TTC3: variants seen among roughly 807,000 people sequenced by gnomAD.
TTC3 encodes the protein E3 ubiquitin-protein ligase TTC3.
A neutral mutation model predicts 249.6 loss-of-function variants in TTC3; 180 were observed. The observed-to-expected ratio is 0.72, with a 90% CI of 0.64 to 0.82. The LOEUF (loss-of-function observed/expected upper bound fraction) is 0.82, where lower values mean the gene tolerates loss of function less well. Among genes scored for constraint, TTC3 ranks in the 40% least tolerant of loss-of-function variants. The pLI is 0.00. For synonymous variants in TTC3, 717 were observed against 805.0 expected, an observed-to-expected ratio of 0.89 and a Z score of 1.85; for missense variants, 2,061 against 2,398.4, an observed-to-expected ratio of 0.86 and a Z score of 2.94.
intron 10 of TTC3, 160 bp downstream of exon 10, chr21:37,096,803 A>G (rs1486711934): frequency 1.8e-6 from 1 of 547,432 alleles, no homozygotes; most frequent in Non-Finnish European, 3.2e-6. Context: ...ATATATAATA[A>G]CAACAGTGAC....
intron 11 of TTC3, among the ~76,000 whole-genome samples, chr21:37,110,263 C>T (rs976489726): frequency 2.0e-5 from 3 of 152,054 alleles, no homozygotes; most frequent in Non-Finnish European, 4.4e-5. Context: ...CTACTCCGAG[C>T]TAAAGGAGGA....
At chr21:37,201,786 C>T (rs1354409368) in exon 46 of TTC3, 5 of 661,638 alleles carry the variant, frequency 7.6e-6, no homozygotes, top group East Asian at 6.1e-5. Context: ...AATAAAATGA[C>T]GGCTACCACA....
At chr21:37,177,348 C>T (rs1028062244) in intron 35 of TTC3, among the ~76,000 whole-genome samples, 3 of 152,244 alleles carry the variant, frequency 2.0e-5, no homozygotes, top group East Asian at 1.9e-4. Flanking sequence ...AGCCAGAGCC[C>T]GGGCTGGGGA....
intron 1 of TTC3, among the ~76,000 whole-genome samples, chr21:37,081,032 G>A (rs893512584): frequency 1.4e-5 from 2 of 143,576 alleles, no homozygotes; most frequent in African/African-American, 5.2e-5. Context: ...GTAGGTTGGT[G>A]TTTCTTTTCT....
At chr21:37,086,380 G>A (rs185422914) in intron 1 of TTC3, 1 of 152,054 alleles carries the variant, frequency 6.6e-6, no homozygotes, top group Non-Finnish European at 1.5e-5. Context: ...ATTTTTCAGT[G>A]ATGTTTGGCC....
chr21:37,082,571 A>G (rs745636907), intron 1 of TTC3: 28 of 985,224 alleles, frequency 2.8e-5, no homozygotes, highest in Non-Finnish European at 3.4e-5. Flanking sequence ...TCCTGATCCT[A>G]TTACTGCTCT....
At chr21:37,158,277 A>G in intron 28 of TTC3, 1 of 904,860 alleles carries the variant, frequency 1.1e-6, no homozygotes. Flanking sequence ...AGACAACTAA[A>G]AAGGACACAA....
chr21:37,157,617 A>G (rs2080233678), intron 28 of TTC3, among the ~76,000 whole-genome samples: 1 of 152,310 alleles, frequency 6.6e-6, no homozygotes, highest in South Asian at 2.1e-4. Flanking sequence ...GTGCAGGGGT[A>G]GAGTCTCAGA....
intron 7 of TTC3, 155 bp downstream of exon 7, chr21:37,091,568 A>ATTTATTTAT (rs2073272431): frequency 1.6e-5 from 3 of 190,098 alleles, no homozygotes; most frequent in African/African-American, 7.4e-5. Context: ...TCTTTTTTTT[A>ATTTATTTAT]TTATTTATTT....
chr21:37,193,401 A>G (rs933149529), intron 41 of TTC3, among the ~76,000 whole-genome samples: 1 of 151,762 alleles, frequency 6.6e-6, no homozygotes, highest in African/African-American at 2.4e-5. Context: ...AAGTGTGACC[A>G]CCCTGAACTG....
At chr21:37,150,428 A>G (rs903654881) in intron 24 of TTC3, among the ~76,000 whole-genome samples, 7 of 152,080 alleles carry the variant, frequency 4.6e-5, no homozygotes, top group Non-Finnish European at 1.0e-4. Flanking sequence ...TGTTTTTGAT[A>G]ACTTCATTTT....
At chr21:37,078,579 C>T (rs905401880) in intron 1 of TTC3, among the ~76,000 whole-genome samples, 1 of 148,526 alleles carries the variant, frequency 6.7e-6, no homozygotes, top group African/African-American at 2.5e-5. Flanking sequence ...TCTATCTTAA[C>T]TTATTTATTG....
At chr21:37,165,712 C>T (rs2081191198) in exon 33 of TTC3, 4 of 1,613,536 alleles carry the variant, frequency 2.5e-6, no homozygotes, top group African/African-American at 1.3e-5. Context: ...TTGTGATTGA[C>T]AACTGTATTG....
At chr21:37,189,549 CTTGT>C (rs10595332) in intron 39 of TTC3, among the ~76,000 whole-genome samples, 1,896 of 143,944 alleles carry the variant, frequency 0.013, 42 homozygotes, top group African/African-American at 0.045. Flanking sequence ...TGGCCTTGTT[CTTGT>C]TTGTTTGTTT....
exon 35 of TTC3, chr21:37,172,656 A>G (rs1300206366): frequency 1.2e-6 from 2 of 1,614,084 alleles, no homozygotes; most frequent in South Asian, 2.2e-5. Flanking sequence ...CAAGAAGTGT[A>G]TGAAAATTAT....
At chr21:37,110,328 G>A (rs2075539490) in intron 11 of TTC3, among the ~76,000 whole-genome samples, 1 of 152,102 alleles carries the variant, frequency 6.6e-6, no homozygotes, top group Non-Finnish European at 1.5e-5. Flanking sequence ...TAGATGAATG[G>A]ATAACTAGAA....
chr21:37,077,784 T>TACA (rs2071103237), intron 1 of TTC3, among the ~76,000 whole-genome samples: 1 of 152,234 alleles, frequency 6.6e-6, no homozygotes, highest in Non-Finnish European at 1.5e-5. Flanking sequence ...GAGTTGTCTT[T>TACA]TAAAACTGGT....
intron 44 of TTC3, 140 bp downstream of exon 44, chr21:37,198,165 A>G: frequency 1.8e-6 from 2 of 1,110,860 alleles, no homozygotes; most frequent in Non-Finnish European, 2.5e-6. Flanking sequence ...ATGTACTTGA[A>G]TGTGTCCAGT....
chr21:37,138,572 G>T, intron 18 of TTC3, 62 bp from the exon 19 acceptor site: 1 of 1,115,962 alleles, frequency 9.0e-7, no homozygotes, highest in Non-Finnish European at 1.4e-6. Flanking sequence ...TTTCTGTTGT[G>T]ACTGGATGCA....
Sources: gnomAD v4.1 joint callset for allele counts (sites outside exome capture counted in the v4.1 genomes callset) on GRCh38, gnomAD v4.1.1 for gene constraint, MANE v1.5 for transcripts, NCBI Gene and HGNC (gene_info 2026-07-23, HGNC 2026-07-21) for gene names.